DOK7: variants seen among roughly 807,000 people sequenced by gnomAD.
DOK7 encodes the protein docking protein 7.
In DOK7, 32 loss-of-function variants were observed where a neutral mutation model predicts 30.7. The observed-to-expected ratio is 1.04, with a 90% CI of 0.79 to 1.40. The LOEUF is 1.40. Ranked by LOEUF, DOK7 falls within the 40% of genes most tolerant of loss-of-function variation. The pLI is 0.00. For missense variants in DOK7, 1,007 were observed against 699.2 expected (o/e 1.44, Z -4.97); for synonymous variants, 447 against 324.1 (o/e 1.38, Z -4.07).
chr4:3,495,563 G>A (rs1306560351), downstream of DOK7, among the ~76,000 whole-genome samples: 1 of 152,252 alleles, frequency 6.6e-6, no homozygotes, highest in Non-Finnish European at 1.5e-5. Context: ...GCGTCTGAAG[G>A]TTCCGGCCAC....
At chr4:3,464,341 C>T (rs543140509) in intron 2 of DOK7, among the ~76,000 whole-genome samples, 2 of 152,262 alleles carry the variant, frequency 1.3e-5, no homozygotes, top group Admixed American at 6.5e-5. Flanking sequence ...ATCCCTCCTG[C>T]GTCCCCTCTG....
chr4:3,492,541 C>T (rs1000198690), intron 6 of DOK7, among the ~76,000 whole-genome samples: 1 of 151,904 alleles, frequency 6.6e-6, no homozygotes, highest in African/African-American at 2.4e-5. Flanking sequence ...GAACAGGTGG[C>T]AGAAGGACAG....
In DOK7 at chr4:3,492,847, A is replaced by G; in HGVS notation, c.861A>G (p.Gln287=). 2 of 1,611,728 alleles carry G rather than the reference A, an allele frequency of 1.2e-6. No homozygotes were observed. Among genetic ancestry groups the G allele is most frequent in the Non-Finnish European group, 1.7e-6 (2 of 1,179,636 alleles). Residue 287 remains glutamine (Q), a synonymous_variant, in exon 7 of 7, where the codon CAA becomes CAG. Coordinates refer to ENST00000340083, the MANE Select transcript of DOK7 (RefSeq NM_173660.5). The stretch of plus-strand genomic sequence containing the variant: ...GCCGGCTCACCGCATGGCCAGAGCA[A>G]TCCTCGTCGTCAGCCAGCACGTCAC... ...ASSRLTAWPE[Q]SSSSASTSQE...
At chr4:3,485,151 C>T (rs762832847) in intron 4 of DOK7, among the ~76,000 whole-genome samples, 62 of 152,326 alleles carry the variant, frequency 4.1e-4, no homozygotes, top group African/African-American at 1.2e-3. Context: ...CAAGCAAGCC[C>T]GGAAGGCAGG....
Position 3,473,405 on chromosome 4 carries a change from G to A in DOK7, c.101-1G>A. ...GTCCCTGACGGCCACGCTCCTTGCA[G>A]ACTGCCTGCTGATGCTGGTCTACAA... On this transcript the variant is annotated splice_acceptor_variant, in intron 2 of 6. Coordinates refer to ENST00000340083, the MANE Select transcript of DOK7 (RefSeq NM_173660.5). LOFTEE classifies it high-confidence loss of function. The A allele has an allele frequency of 6.2e-7, 1 of 1,610,746 alleles. No homozygotes were observed. The highest frequency in any genetic ancestry group is 8.5e-7 in the Non-Finnish European group (1 of 1,179,776).
downstream of DOK7, among the ~76,000 whole-genome samples, chr4:3,499,394 A>C (rs1331417216): frequency 6.6e-6 from 1 of 152,146 alleles, no homozygotes; most frequent in Non-Finnish European, 1.5e-5. Context: ...GCGTTCCCTC[A>C]CGAGGTCCTG....
At position 3,493,418 on chromosome 4, in the gene DOK7, G is replaced by A. The variant is rs757194339; in HGVS notation, c.1432G>A (p.Gly478Ser). The A allele has an allele frequency of 6.3e-7, 1 of 1,599,696 alleles. No individual in the cohort carries two copies. Among genetic ancestry groups the A allele is most frequent in the Non-Finnish European group, 8.5e-7 (1 of 1,173,458 alleles). Residue 478 changes from glycine (G) to serine (S), a missense_variant, in exon 7 of 7, where the codon GGC becomes AGC. Physicochemically the swap from Gly to Ser is moderately conservative, Grantham distance 56. Transcript: ENST00000340083. ...TGCCCCTGGCGAGCCCTGGGAAGCA[G>A]GCGGCCCCCACGCGGGGCCACCCCC... ...GPAPGEPWEAGGPHAGPPPAF... is the reference protein window; with the variant it reads ...GPAPGEPWEASGPHAGPPPAF...
intron 5 of DOK7, among the ~76,000 whole-genome samples, chr4:3,485,873 T>C (rs999534292): frequency 6.6e-6 from 1 of 152,086 alleles, no homozygotes; most frequent in African/African-American, 2.4e-5. Context: ...GGCTCGTACC[T>C]GCAGGTGCTC....
chr4:3,492,879 G>T lies in DOK7; in HGVS notation c.893G>T (p.Gly298Val). The T allele has an allele frequency of 6.2e-7, 1 of 1,602,574 alleles. No homozygotes were observed. The highest frequency in any genetic ancestry group is 8.5e-7 in the Non-Finnish European group (1 of 1,176,216). Reference sequence around the variant, plus strand: ...TCGTCAGCCAGCACGTCACAGGAGGGGCCTAGACCAGCAGCTGCCCAGGCC... The same window carrying T: ...TCGTCAGCCAGCACGTCACAGGAGGTGCCTAGACCAGCAGCTGCCCAGGCC... Reference protein sequence around the residue: ...SSSSASTSQEGPRPAAAQAAG... With the variant: ...SSSSASTSQEVPRPAAAQAAG... Residue 298 changes from glycine to valine, a missense_variant, in exon 7 of 7, where the codon GGG becomes GTG. Physicochemically the swap from Gly to Val is moderately radical, Grantham distance 109. Coordinates refer to ENST00000340083, the MANE Select transcript of DOK7 (RefSeq NM_173660.5).
chr4:3,497,409 G>A (rs894463620), downstream of DOK7, among the ~76,000 whole-genome samples: 9 of 152,000 alleles, frequency 5.9e-5, no homozygotes, highest in Admixed American at 3.9e-4. Flanking sequence ...GGTTGGGAGG[G>A]AGGGCCAGGC....
In DOK7 at chr4:3,492,787, C is replaced by T. The variant is rs866732188; in HGVS notation, c.801C>T (p.Ser267=). The change falls in exon 7 of 7, where the codon TCC becomes TCT. Residue 267 remains serine (S), a synonymous_variant. Coordinates refer to ENST00000340083, the MANE Select transcript of DOK7 (RefSeq NM_173660.5). ...GGDDRSLSSS[S]SEASHLDVSA... is the part of the protein sequence containing the mutation. ...ATGACCGCAGCCTGTCCAGCTCATC[C>T]TCAGAGGCCAGTCACTTGGACGTCA... is the stretch of plus-strand genomic sequence containing the variant. 6.2e-7 allele frequency: 1 copy of T among 1,612,796 alleles called. No individual in the cohort carries two copies. Among genetic ancestry groups the T allele is most frequent in the East Asian group, 2.2e-5 (1 of 44,882 alleles).
At chr4:3,466,366 C>T (rs1008494098) in intron 2 of DOK7, among the ~76,000 whole-genome samples, 9 of 152,164 alleles carry the variant, frequency 5.9e-5, no homozygotes, top group African/African-American at 1.9e-4. Flanking sequence ...GCAGGTGCCC[C>T]GTGAGCCCCG....
Position 3,493,930 on chromosome 4 carries a change from A to T in DOK7, c.*429A>T. The T allele has an allele frequency of 9.8e-7, 1 of 1,022,980 alleles. No individual in the cohort carries two copies. Among genetic ancestry groups the T allele is most frequent in the Non-Finnish European group, 1.2e-6 (1 of 855,528 alleles). The allele number at this position is 1,022,980 out of a possible 1,614,324, so 63.4% of individuals were successfully genotyped here. A position where few individuals can be genotyped will look rare whatever the true frequency, so the allele number is the denominator to read the frequency against. On this transcript the variant is annotated 3_prime_UTR_variant, in exon 7 of 7. Transcript: ENST00000340083. ...TCCCCATCACCTCTCTGGGGCAGTC[A>T]CACCACCTGTTAAGCATCAAGCTAC...
At chr4:3,486,374 A>C (rs1169607379) in intron 5 of DOK7, among the ~76,000 whole-genome samples, 1 of 152,228 alleles carries the variant, frequency 6.6e-6, no homozygotes. Flanking sequence ...GCTTGACCCA[A>C]CGTCCAAGTG....
In DOK7 at chr4:3,493,891, G is replaced by T; in HGVS notation, c.*390G>T. 1 of 1,078,336 alleles carries T rather than the reference G, an allele frequency of 9.3e-7. No individual in the cohort carries two copies. The highest frequency in any genetic ancestry group is 1.1e-6 in the Non-Finnish European group (1 of 890,220). The allele number at this position is 1,078,336 out of a possible 1,614,324, so 66.8% of individuals were successfully genotyped here. A position where few individuals can be genotyped will look rare whatever the true frequency, so the allele number is the denominator to read the frequency against. On this transcript the variant is annotated 3_prime_UTR_variant, in exon 7 of 7. Transcript: ENST00000340083. ...CTCCTTGGGCCTCACGCCCCCTTCG[G>T]GGGTGGCCGGTTCTCCCCATCACCT...
At position 3,493,568 on chromosome 4, in the gene DOK7, C is replaced by A. The variant is rs73195198; in HGVS notation, c.*67C>A. 7.6e-6 allele frequency: 12 copies of A among 1,571,270 alleles called. No homozygotes were observed. Among genetic ancestry groups the A allele is most frequent in the Non-Finnish European group, 1.0e-5 (12 of 1,158,210 alleles). ...TGCCCCCAGATGGCAGAGGAAGTGG[C>A]GCCAGCCTCCTTGCAGACTGGTGCT... On this transcript the variant is annotated 3_prime_UTR_variant, in exon 7 of 7. Transcript: ENST00000340083.
intron 6 of DOK7, among the ~76,000 whole-genome samples, chr4:3,491,407 CTTCCTTCT>C (rs199505591): frequency 0.011 from 1,241 of 117,730 alleles, 30 homozygotes; most frequent in African/African-American, 0.034. Context: ...CTCACCCCAG[CTTCCTTCT>C]TTCCTTCTTC....
At position 3,477,063 on chromosome 4, in the gene DOK7, A is replaced by C. The variant is rs913177485; in HGVS notation, c.532+521A>C. On this transcript the variant is annotated intron_variant, in intron 4 of 6. Coordinates refer to ENST00000340083, the MANE Select transcript of DOK7 (RefSeq NM_173660.5). ...AGTCCTCTGGGCCTGTGAAGGCCTG[A>C]GAGCTGTCCTCACTCAGCCAGGGGA... Among the ~76,000 whole-genome samples, 4 of 129,430 alleles carry C rather than the reference A, an allele frequency of 3.1e-5. No individual in the cohort carries two copies. In the Admixed American group the frequency reaches 3.2e-4, roughly 10 times the overall value. The allele number at this position is 129,430 out of a possible 152,430, so 84.9% of individuals were successfully genotyped here.
rs898373845 is a variant in DOK7, at chr4:3,492,932, A to C, written c.946A>C (p.Arg316=). 5 of 1,559,038 alleles carry C rather than the reference A, an allele frequency of 3.2e-6. No homozygotes were observed. The highest frequency in any genetic ancestry group is 3.5e-6 in the Non-Finnish European group (4 of 1,155,476). ...CGGGGAAGCCATGGTGGGTGCCTCA[A>C]GGCCACCCCCCAAGCCGCTGCGTCC... ...AAGEAMVGAS[R]PPPKPLRPRQ... is the part of the protein sequence containing the mutation. Residue 316 remains arginine (R), a synonymous_variant, in exon 7 of 7, where the codon AGG becomes CGG. Transcript: ENST00000340083.
Sources: allele counts gnomAD v4.1 joint callset (sites outside exome capture counted in the v4.1 genomes callset), GRCh38; gene constraint gnomAD v4.1.1; transcripts MANE v1.5; gene names NCBI Gene and HGNC (gene_info 2026-07-23, HGNC 2026-07-21).